TMLHE: variants seen among roughly 807,000 people sequenced by gnomAD.
The protein encoded by TMLHE is trimethyllysine hydroxylase, epsilon, also known as trimethyllysine dioxygenase, mitochondrial.
Under a neutral mutation model 25.7 loss-of-function variants are expected in TMLHE, and 18 were observed. That is an observed-to-expected ratio of 0.70 (90% CI 0.48 to 1.04). TMLHE has a LOEUF of 1.04. TMLHE is among the 50% of genes least tolerant of loss of function. TMLHE has a pLI of 0.00. For missense variants in TMLHE, 236 were observed against 259.0 expected, an observed-to-expected ratio of 0.91 and a Z score of 0.61; for synonymous variants, 105 against 97.0, an observed-to-expected ratio of 1.08 and a Z score of -0.49.
At chrX:155,509,054 G>T (rs958923744) in intron 5 of TMLHE, among the ~76,000 whole-genome samples, 1 of 111,019 alleles carries the variant, frequency 9.0e-6, no homozygotes, top group Non-Finnish European at 1.9e-5. Context: ...GAAAGGATGA[G>T]ATCCAGAGCA....
chrX:155,601,553 T>C (rs1255799700), intron 1 of TMLHE, among the ~76,000 whole-genome samples: 2 of 111,234 alleles, frequency 1.8e-5, no homozygotes, highest in Non-Finnish European at 3.8e-5. Context: ...GAAATTACAG[T>C]AAAAACATCA....
intron 1 of TMLHE, among the ~76,000 whole-genome samples, chrX:155,594,910 A>G (rs1284465343): frequency 8.9e-6 from 1 of 111,755 alleles, no homozygotes; most frequent in Non-Finnish European, 1.9e-5. Flanking sequence ...ACTTATACAC[A>G]GAATTTTTTC....
chrX:155,547,202 T>G (rs1282519745), intron 1 of TMLHE, among the ~76,000 whole-genome samples: 1 of 96,832 alleles, frequency 1.0e-5, no homozygotes, highest in Non-Finnish European at 2.1e-5. Context: ...TGGAGTGCAG[T>G]GGCGCTATCT....
At chrX:155,580,778 A>C (rs190183180) in intron 1 of TMLHE, among the ~76,000 whole-genome samples, 244 of 111,610 alleles carry the variant, frequency 2.2e-3, no homozygotes, top group Non-Finnish European at 3.7e-3. Flanking sequence ...TTCTGAAACT[A>C]TTCCAATCAA....
At chrX:155,608,579 C>T (rs184842692) in intron 1 of TMLHE, among the ~76,000 whole-genome samples, 1 of 112,030 alleles carries the variant, frequency 8.9e-6, no homozygotes, top group East Asian at 2.8e-4. Context: ...AACTGAAGAG[C>T]TTCTGTACAG....
chrX:155,586,548 T>C (rs999825336), intron 1 of TMLHE, among the ~76,000 whole-genome samples: 2 of 110,356 alleles, frequency 1.8e-5, no homozygotes, highest in Middle Eastern at 4.7e-3. Flanking sequence ...AAATAGAGAC[T>C]CAAAAAATAC....
chrX:155,521,989 G>A lies in TMLHE; in HGVS notation c.358+2467C>T, dbSNP rs1020310287. ...GCAGAAATCACCCGTCTTCTGCGTC[G>A]CTCACGCTGGGAGCTGTACACCGGA... is the stretch of plus-strand genomic sequence containing the variant. On this transcript the variant is annotated intron_variant, in intron 3 of 7. Coordinates refer to ENST00000334398, the MANE Select transcript of TMLHE (RefSeq NM_018196.4). Among the ~76,000 whole-genome samples the A allele has an allele frequency of 3.7e-4, 40 of 108,532 alleles. 1 individual carries two copies. Among genetic ancestry groups the A allele is most frequent in the African/African-American group, 8.1e-4 (24 of 29,798 alleles). The allele number at this position is 108,532 out of a possible 115,157, so 94.2% of individuals were successfully genotyped here.
chrX:155,549,776 G>T (rs782381078), intron 1 of TMLHE, among the ~76,000 whole-genome samples: 1 of 109,661 alleles, frequency 9.1e-6, no homozygotes, highest in Non-Finnish European at 1.9e-5. Flanking sequence ...TGTGCAGAAC[G>T]TGCAGGTTTG....
chrX:155,598,540 C>T (rs1305546887), intron 1 of TMLHE, among the ~76,000 whole-genome samples: 6 of 70,457 alleles, frequency 8.5e-5, no homozygotes, highest in South Asian at 8.5e-4. Context: ...CATCACACAC[C>T]GGGGTCTGTT....
In TMLHE at chrX:155,588,641, A is replaced by C. The variant is rs183374749; in HGVS notation, c.-2+24151T>G. ...AGGAACTCAAAGAACTCAACAATAAAAAAAAAAATCCCGTTAAAAAGTGAA... is the reference window on the plus strand; with the variant it reads ...AGGAACTCAAAGAACTCAACAATAACAAAAAAAATCCCGTTAAAAAGTGAA... On this transcript the variant is annotated intron_variant, in intron 1 of 7. Coordinates refer to ENST00000334398, the MANE Select transcript of TMLHE (RefSeq NM_018196.4). 7.0e-3 allele frequency among the ~76,000 whole-genome samples: 779 copies of C among 111,398 alleles called. 6 individuals carry two copies. The highest frequency in any genetic ancestry group is 0.024 in the African/African-American group (740 of 30,679).
At chrX:155,529,979 C>A (rs1009218793) in intron 2 of TMLHE, among the ~76,000 whole-genome samples, 8 of 111,710 alleles carry the variant, frequency 7.2e-5, no homozygotes, top group Non-Finnish European at 1.5e-4. Flanking sequence ...TTTATGGTTT[C>A]AGGTCTTATT....
intron 1 of TMLHE, among the ~76,000 whole-genome samples, chrX:155,608,948 CAGTT>C (rs1288816301): frequency 8.9e-6 from 1 of 112,010 alleles, no homozygotes; most frequent in Non-Finnish European, 1.9e-5. Context: ...GTGGGAATGT[CAGTT>C]AGTTCAGCCA....
intron 1 of TMLHE, chrX:155,611,670 C>G (rs923315235): frequency 4.5e-5 from 5 of 111,374 alleles, no homozygotes; most frequent in East Asian, 2.8e-4. Flanking sequence ...GTTTTTTAAG[C>G]CTTATTATAA....
intron 2 of TMLHE, among the ~76,000 whole-genome samples, chrX:155,539,864 CAG>C (rs1425631643): frequency 9.1e-6 from 1 of 110,287 alleles, no homozygotes; most frequent in Non-Finnish European, 1.9e-5. Context: ...AAGAATCAAA[CAG>C]AAATTCTGGA....
intron 4 of TMLHE, among the ~76,000 whole-genome samples, chrX:155,512,195 T>G (rs192337037): frequency 6.3e-5 from 7 of 110,555 alleles, no homozygotes; most frequent in African/African-American, 1.7e-4. Context: ...ACTTTAAGTT[T>G]TAGGGTACAT....
intron 1 of TMLHE, among the ~76,000 whole-genome samples, chrX:155,570,433 G>C (rs1433778533): frequency 1.8e-5 from 1 of 54,425 alleles, no homozygotes; most frequent in Non-Finnish European, 4.7e-5. Context: ...CAATGAGACA[G>C]AAAGTTAACA....
chrX:155,579,808 C>T (rs1232769822), intron 1 of TMLHE, among the ~76,000 whole-genome samples: 2 of 110,741 alleles, frequency 1.8e-5, no homozygotes, highest in Admixed American at 1.9e-4. Context: ...CTATCTCTCA[C>T]CACATAAAAA....
chrX:155,532,062 C>CA lies in TMLHE; in HGVS notation c.182-7431dup, dbSNP rs1379050787. Among the ~76,000 whole-genome samples the CA allele has an allele frequency of 2.7e-5, 3 of 111,799 alleles. No individual in the cohort carries two copies. In the South Asian group the frequency reaches 1.1e-3, roughly 41 times the overall value. On this transcript the variant is annotated intron_variant, in intron 2 of 7. Coordinates refer to ENST00000334398, the MANE Select transcript of TMLHE (RefSeq NM_018196.4). ...GACTCCACAGAATTACCCCAGACAA[C>CA]AAAAAAATACACAAAACAAACAAAT...
At chrX:155,588,721 G>A (rs1254621069) in intron 1 of TMLHE, among the ~76,000 whole-genome samples, 1 of 111,421 alleles carries the variant, frequency 9.0e-6, no homozygotes, top group African/African-American at 3.3e-5. Context: ...GCCATCAGCT[G>A]TAGGAAAAAA....
Sources: gnomAD v4.1 joint callset for allele counts (sites outside exome capture counted in the v4.1 genomes callset) on GRCh38, gnomAD v4.1.1 for gene constraint, MANE v1.5 for transcripts, NCBI Gene and HGNC (gene_info 2026-07-23, HGNC 2026-07-21) for gene names.